The following PAX5 variants were observed in gnomAD, a reference collection of about 807,000 sequenced individuals.
The protein encoded by PAX5 is paired box 5.
A neutral mutation model predicts 43.7 loss-of-function variants in PAX5; 9 were observed. That is an observed-to-expected ratio of 0.21 (90% CI 0.12 to 0.36). PAX5 has a LOEUF of 0.36. Ranked by LOEUF, PAX5 falls within the 10% of genes least tolerant of loss-of-function variation. The pLI is 1.00. For synonymous variants in PAX5, 228 were observed against 214.3 expected, an observed-to-expected ratio of 1.06 and a Z score of -0.56; for missense variants, 383 against 532.7, an observed-to-expected ratio of 0.72 and a Z score of 2.77.
At chr9:37,008,391 A>C (rs1471203870) in intron 3 of PAX5, among the ~76,000 whole-genome samples, 3 of 152,210 alleles carry the variant, frequency 2.0e-5, no homozygotes. Flanking sequence ...CTTTTCATGC[A>C]ACATTCTGTG....
At chr9:36,968,661 C>A (rs1588109879) in intron 5 of PAX5, among the ~76,000 whole-genome samples, 1 of 152,214 alleles carries the variant, frequency 6.6e-6, no homozygotes, top group South Asian at 2.1e-4. Flanking sequence ...CGTTCCCCAG[C>A]CTGAAGCCTA....
At chr9:36,858,920 C>T (rs1823925568) in intron 8 of PAX5, among the ~76,000 whole-genome samples, 1 of 152,184 alleles carries the variant, frequency 6.6e-6, no homozygotes, top group Non-Finnish European at 1.5e-5. Context: ...AGGTGTCATA[C>T]CTTGCTGGGA....
chr9:36,950,912 T>C (rs1453216581), intron 6 of PAX5, among the ~76,000 whole-genome samples: 1 of 152,026 alleles, frequency 6.6e-6, no homozygotes, highest in Non-Finnish European at 1.5e-5. Context: ...AGCTAATTTT[T>C]TGTATCTTTA....
At chr9:37,026,580 G>T in intron 1 of PAX5, 4 of 1,345,470 alleles carry the variant, frequency 3.0e-6, no homozygotes, top group Non-Finnish European at 3.9e-6. Context: ...TTCCATCGGG[G>T]CGCTCCAGAC....
At chr9:37,019,969 A>G (rs1226559492) in intron 2 of PAX5, among the ~76,000 whole-genome samples, 1 of 152,198 alleles carries the variant, frequency 6.6e-6, no homozygotes, top group Non-Finnish European at 1.5e-5. Context: ...GGCTACTGAG[A>G]AAATAAACGG....
In PAX5 at chr9:36,837,680, G is replaced by C; in HGVS notation, c.*2880C>G. The C allele has an allele frequency of 8.6e-6, 2 of 233,350 alleles. No individual in the cohort carries two copies. The highest frequency in any genetic ancestry group is 1.7e-5 in the Non-Finnish European group (2 of 118,076). 14.5% of individuals were successfully genotyped at this position (233,350 alleles called of 1,614,324 possible). A position where few individuals can be genotyped will look rare whatever the true frequency, so the allele number is the denominator to read the frequency against. Reference sequence around the variant, plus strand: ...AGAACATCCGTGTGCATCCATGTGCGCTTGTGCTTCCGCCTGGCAGCCCAG... The same window carrying C: ...AGAACATCCGTGTGCATCCATGTGCCCTTGTGCTTCCGCCTGGCAGCCCAG... On this transcript the variant is annotated 3_prime_UTR_variant, in exon 10 of 10. Coordinates refer to ENST00000358127, the MANE Select transcript of PAX5 (RefSeq NM_016734.3).
intron 4 of PAX5, 186 bp from the exon 5 acceptor site, chr9:37,002,962 G>C (rs940720138): frequency 1.6e-6 from 1 of 635,004 alleles, no homozygotes; most frequent in African/African-American, 1.9e-5. Flanking sequence ...GGCGGGCCGT[G>C]TGCCCCAGTT....
chr9:36,846,094 C>G (rs966396989), intron 9 of PAX5, among the ~76,000 whole-genome samples: 2 of 152,222 alleles, frequency 1.3e-5, no homozygotes, highest in African/African-American at 4.8e-5. Flanking sequence ...GTCCCAGAAC[C>G]TTTAGCTCCA....
chr9:36,994,366 T>A (rs1452115433), intron 5 of PAX5, among the ~76,000 whole-genome samples: 3 of 152,176 alleles, frequency 2.0e-5, no homozygotes, highest in Admixed American at 2.0e-4. Context: ...TGGACTACCC[T>A]ACCTGCAGGG....
intron 6 of PAX5, among the ~76,000 whole-genome samples, chr9:36,938,677 T>C (rs1490713038): frequency 6.6e-6 from 1 of 152,130 alleles, no homozygotes; most frequent in African/African-American, 2.4e-5. Flanking sequence ...TATCCCCAAA[T>C]AAAAGTTCAG....
chr9:36,838,674 T>C lies in PAX5; in HGVS notation c.*1886A>G, dbSNP rs536158921. ...TGTTTCCCACTTGGTCCAAATATTA[T>C]TGGGCCTCAGGTGCCCACCCCCATC... On this transcript the variant is annotated 3_prime_UTR_variant, in exon 10 of 10. Transcript: ENST00000358127. 3.4e-5 allele frequency: 8 copies of C among 232,898 alleles called. No individual in the cohort carries two copies. In the East Asian group the frequency reaches 4.8e-4, roughly 14 times the overall value. 14.4% of individuals were successfully genotyped at this position (232,898 alleles called of 1,614,324 possible).
intron 1 of PAX5, among the ~76,000 whole-genome samples, chr9:37,028,373 G>A (rs1464633890): frequency 2.0e-5 from 3 of 152,052 alleles, no homozygotes; most frequent in Non-Finnish European, 2.9e-5. Flanking sequence ...GCTCCTCGTC[G>A]TCCACCCTCC....
Position 36,836,834 on chromosome 9 carries a change from A to C in PAX5, c.*3726T>G, listed in dbSNP as rs1171108139. ...CCTTGGCACCTGGACCCCTGGAGTCAGGGCTGGACCCATGTCCAGGCCTGG... is the reference window on the plus strand; with the variant it reads ...CCTTGGCACCTGGACCCCTGGAGTCCGGGCTGGACCCATGTCCAGGCCTGG... On this transcript the variant is annotated 3_prime_UTR_variant, in exon 10 of 10. Coordinates refer to ENST00000358127, the MANE Select transcript of PAX5 (RefSeq NM_016734.3). 1 of 231,990 alleles carries C rather than the reference A, an allele frequency of 4.3e-6. No individual in the cohort carries two copies. The highest frequency in any genetic ancestry group is 2.2e-5 in the African/African-American group (1 of 45,280). 14.4% of individuals were successfully genotyped at this position (231,990 alleles called of 1,614,324 possible). A position where few individuals can be genotyped will look rare whatever the true frequency, so the allele number is the denominator to read the frequency against.
chr9:36,848,220 C>G (rs1822780031), intron 8 of PAX5, among the ~76,000 whole-genome samples: 2 of 152,078 alleles, frequency 1.3e-5, no homozygotes, highest in African/African-American at 4.8e-5. Flanking sequence ...ACAACCCAAG[C>G]CTAGAGGTGG....
intron 1 of PAX5, among the ~76,000 whole-genome samples, chr9:37,021,391 C>T (rs533875290): frequency 4.5e-4 from 69 of 152,324 alleles, no homozygotes; most frequent in Non-Finnish European, 9.3e-4. Context: ...AAAACCCTCC[C>T]TTTAAGAAGG....
At chr9:37,016,639 T>C (rs757211976) in intron 2 of PAX5, among the ~76,000 whole-genome samples, 1 of 152,244 alleles carries the variant, frequency 6.6e-6, no homozygotes. Context: ...GAAGAATTCT[T>C]GATTTCCTTT....
intron 8 of PAX5, among the ~76,000 whole-genome samples, chr9:36,875,777 G>A (rs1309371349): frequency 6.6e-6 from 1 of 152,176 alleles, no homozygotes; most frequent in African/African-American, 2.4e-5. Context: ...TTTCGACAAG[G>A]AAGGAAGGGG....
At chr9:36,888,197 G>A (rs1166722376) in intron 7 of PAX5, among the ~76,000 whole-genome samples, 4 of 152,182 alleles carry the variant, frequency 2.6e-5, no homozygotes, top group Non-Finnish European at 4.4e-5. Context: ...TGGTACAGCT[G>A]CTTTGGAAAA....
In PAX5 at chr9:37,006,519, T is replaced by C; in HGVS notation, c.429A>G (p.Val143=). The C allele has an allele frequency of 6.2e-7, 1 of 1,614,158 alleles. No homozygotes were observed. Among genetic ancestry groups the C allele is most frequent in the Non-Finnish European group, 8.5e-7 (1 of 1,179,984 alleles). Residue 143 remains valine, a synonymous_variant, in exon 4 of 10, where the codon GTA becomes GTG. Transcript: ENST00000358127. ...SSINRIIRTK[V]QQPPNQPVPA... ...GGACTGGTTGGTTGGGTGGCTGCTG[T>C]ACTTTTGTCCGGATGATCCTGTGGG...
Sources: gnomAD v4.1 joint callset for allele counts (sites outside exome capture counted in the v4.1 genomes callset) on GRCh38, gnomAD v4.1.1 for gene constraint, MANE v1.5 for transcripts, NCBI Gene and HGNC (gene_info 2026-07-23, HGNC 2026-07-21) for gene names.